Variants in AGBL4 observed in about 807,000 individuals in gnomAD.
The protein encoded by AGBL4 is AGBL carboxypeptidase 4.
In AGBL4, 58 loss-of-function variants were observed where a neutral mutation model predicts 66.4. The ratio of observed to expected loss-of-function variants is 0.87; its 90% CI spans 0.71 to 1.09. The LOEUF (loss-of-function observed/expected upper bound fraction) is 1.09. AGBL4 is among the 50% of genes least tolerant of loss of function. The pLI is 0.00. For missense variants in AGBL4, 579 were observed against 631.0 expected (o/e 0.92, Z 0.88); for synonymous variants, 234 against 222.9 (o/e 1.05, Z -0.44).
rs546495299 is a variant in AGBL4, at chr1:48,857,859, GAAC to G, written c.634+9329_634+9331del. Among the ~76,000 whole-genome samples, 475 of 151,934 alleles carry G rather than the reference GAAC, an allele frequency of 3.1e-3. 3 individuals are homozygous for G. Among genetic ancestry groups the G allele is most frequent in the African/African-American group, 0.01 (422 of 41,430 alleles). On this transcript the variant is annotated intron_variant, in intron 6 of 13. Transcript: ENST00000371839. ...TCAGAATTAAACTTTTTGCTTCAAAGAACAACAATAAAGAAGTGAAAAGACAGC... is the reference window on the plus strand; with the variant it reads ...TCAGAATTAAACTTTTTGCTTCAAAGAACAATAAAGAAGTGAAAAGACAGC...
chr1:49,328,581 C>A (rs549083026), intron 3 of AGBL4, among the ~76,000 whole-genome samples: 91 of 152,310 alleles, frequency 6.0e-4, no homozygotes, highest in Non-Finnish European at 1.1e-3. Flanking sequence ...ATAATGCTAT[C>A]CTTTCACTAG....
intron 3 of AGBL4, among the ~76,000 whole-genome samples, chr1:49,411,402 A>T (rs1254786727): frequency 6.6e-6 from 1 of 152,236 alleles, no homozygotes; most frequent in Non-Finnish European, 1.5e-5. Flanking sequence ...TTCCTCTCCC[A>T]GTCCACTGAC....
intron 5 of AGBL4, among the ~76,000 whole-genome samples, chr1:48,914,486 G>A (rs567860203): frequency 2.0e-4 from 30 of 152,160 alleles, no homozygotes; most frequent in Non-Finnish European, 2.8e-4. Flanking sequence ...TGAAAGAAAA[G>A]TCAGCAAACC....
chr1:49,492,620 C>G (rs370467129), intron 3 of AGBL4, among the ~76,000 whole-genome samples: 30 of 151,952 alleles, frequency 2.0e-4, no homozygotes, highest in African/African-American at 7.2e-4. Context: ...ATTTCAAGAC[C>G]ATATTTGTAT....
intron 6 of AGBL4, among the ~76,000 whole-genome samples, chr1:48,846,386 AAAGAAAGAAAG>A (rs1273807647): frequency 6.6e-6 from 1 of 150,462 alleles, no homozygotes; most frequent in Non-Finnish European, 1.5e-5. Flanking sequence ...AGAAAGAAAG[AAAGAAAGAAAG>A]AAAGAAAGAA....
chr1:48,948,801 T>C (rs974500795), intron 5 of AGBL4, among the ~76,000 whole-genome samples: 3 of 151,852 alleles, frequency 2.0e-5, no homozygotes, highest in African/African-American at 7.3e-5. Context: ...CAGTGAAGGA[T>C]AGCTAAAGAA....
At chr1:49,868,749 G>T (rs1415017863) in intron 1 of AGBL4, among the ~76,000 whole-genome samples, 2 of 152,034 alleles carry the variant, frequency 1.3e-5, no homozygotes, top group Non-Finnish European at 2.9e-5. Flanking sequence ...AAAAACTGAT[G>T]AATGGGATCT....
Position 49,172,638 on chromosome 1 carries a change from G to C in AGBL4, c.377+73132C>G, listed in dbSNP as rs371606697. On this transcript the variant is annotated intron_variant, in intron 4 of 13. Transcript: ENST00000371839. ...GTGTGGAGGTAGGATCCTATACCAT[G>C]TTGTCCCATGAATAATAAATTTAGA... 2.6e-5 allele frequency among the ~76,000 whole-genome samples: 4 copies of C among 152,142 alleles called. No homozygotes were observed. The East Asian group carries it at 7.7e-4, about 29-fold the overall frequency.
At chr1:49,790,110 G>T (rs1409676828) in intron 2 of AGBL4, among the ~76,000 whole-genome samples, 2 of 152,136 alleles carry the variant, frequency 1.3e-5, no homozygotes, top group Non-Finnish European at 2.9e-5. Flanking sequence ...CAGGCACGGT[G>T]GCTCACGCCT....
At chr1:49,642,482 A>G (rs544446076) in intron 3 of AGBL4, among the ~76,000 whole-genome samples, 1 of 152,114 alleles carries the variant, frequency 6.6e-6, no homozygotes, top group East Asian at 1.9e-4. Context: ...TTCAAAAGGC[A>G]CACTACTTGA....
chr1:49,359,893 T>A (rs1644101692), intron 3 of AGBL4, among the ~76,000 whole-genome samples: 1 of 152,148 alleles, frequency 6.6e-6, no homozygotes, highest in African/African-American at 2.4e-5. Flanking sequence ...TGGGACATAG[T>A]ACTTCACAAT....
At chr1:48,776,918 C>A in intron 6 of AGBL4, 1 of 545,596 alleles carries the variant, frequency 1.8e-6, no homozygotes, top group Non-Finnish European at 3.0e-6. Context: ...GCGCGAGTCT[C>A]GCTACGGTGC....
intron 3 of AGBL4, among the ~76,000 whole-genome samples, chr1:49,369,787 T>G (rs1644305336): frequency 6.6e-6 from 1 of 152,296 alleles, no homozygotes; most frequent in South Asian, 2.1e-4. Context: ...TTCATATTAC[T>G]AATTGTGATG....
chr1:49,454,606 A>G (rs376627355), intron 3 of AGBL4, among the ~76,000 whole-genome samples: 1 of 151,744 alleles, frequency 6.6e-6, no homozygotes, highest in Admixed American at 6.6e-5. Flanking sequence ...TTCAAATTAT[A>G]CTACATAATT....
chr1:48,631,585 G>A (rs1027417213), intron 9 of AGBL4, among the ~76,000 whole-genome samples: 1 of 152,138 alleles, frequency 6.6e-6, no homozygotes, highest in African/African-American at 2.4e-5. Flanking sequence ...GTAGAGACCG[G>A]GTTTTGCCAT....
intron 3 of AGBL4, among the ~76,000 whole-genome samples, chr1:49,424,784 G>A (rs902143914): frequency 6.6e-6 from 1 of 152,208 alleles, no homozygotes; most frequent in African/African-American, 2.4e-5. Flanking sequence ...TTCAGTCACT[G>A]AGGAGAGTGA....
chr1:48,886,531 G>A (rs900006027), intron 5 of AGBL4, among the ~76,000 whole-genome samples: 3 of 152,144 alleles, frequency 2.0e-5, no homozygotes, highest in African/African-American at 7.2e-5. Flanking sequence ...CAGCTCAGCC[G>A]GCCACAAATT....
chr1:48,716,385 G>C (rs1293710522), intron 6 of AGBL4, among the ~76,000 whole-genome samples: 3 of 151,278 alleles, frequency 2.0e-5, no homozygotes, highest in African/African-American at 7.4e-5. Context: ...TTCATAATGG[G>C]AATGATGACA....
intron 3 of AGBL4, among the ~76,000 whole-genome samples, chr1:49,367,372 T>C (rs534632388): frequency 3.3e-5 from 5 of 152,300 alleles, no homozygotes; most frequent in African/African-American, 1.2e-4. Flanking sequence ...CCCTCTCTCT[T>C]GCTCCCTCTC....
Sources: gnomAD v4.1 joint callset for allele counts (sites outside exome capture counted in the v4.1 genomes callset) on GRCh38, gnomAD v4.1.1 for gene constraint, MANE v1.5 for transcripts, NCBI Gene and HGNC (gene_info 2026-07-23, HGNC 2026-07-21) for gene names.